The following POMGNT2 variants were observed in gnomAD, a reference collection of about 807,000 sequenced individuals.
The protein encoded by POMGNT2 is protein O-linked-mannose beta-1,4-N-acetylglucosaminyltransferase 2.
A neutral mutation model predicts 37.8 loss-of-function variants in POMGNT2; 32 were observed. The observed-to-expected ratio is 0.85, with a 90% CI of 0.64 to 1.14. The LOEUF (loss-of-function observed/expected upper bound fraction) is 1.14. Ranked by LOEUF, POMGNT2 falls within the 50% of genes most tolerant of loss-of-function variation. The pLI is 0.00. For missense variants in POMGNT2, 705 were observed against 780.6 expected (o/e 0.90, Z 1.15); for synonymous variants, 340 against 336.8 (o/e 1.01, Z -0.10).
Position 43,080,821 on chromosome 3 carries a change from T to A in POMGNT2, c.611A>T (p.Asp204Val). 6.2e-7 allele frequency: 1 copy of A among 1,613,770 alleles called. No homozygotes were observed. Among genetic ancestry groups the A allele is most frequent in the Non-Finnish European group, 8.5e-7 (1 of 1,179,938 alleles). Residue 204 changes from aspartate (D) to valine (V), a missense_variant, in exon 2 of 2, where the codon GAC becomes GTC. Physicochemically the swap from Asp to Val is radical, Grantham distance 152. Transcript: ENST00000344697. Reference sequence around the variant, plus strand: ...CTTGGGGCTGAGCAGCTTGTAGAGGTCGAAGTGTGCACCCTCGCCCCAGCC... The same window carrying A: ...CTTGGGGCTGAGCAGCTTGTAGAGGACGAAGTGTGCACCCTCGCCCCAGCC... ...MEGWGEGAHF[D>V]LYKLLSPKQP...
chr3:43,100,374 G>A (rs1157161080), intron 1 of POMGNT2, among the ~76,000 whole-genome samples: 1 of 152,198 alleles, frequency 6.6e-6, no homozygotes, highest in South Asian at 2.1e-4. Context: ...CAGGAGGATT[G>A]TGTAGGTTAT....
intron 1 of POMGNT2, among the ~76,000 whole-genome samples, chr3:43,083,835 T>C (rs2089874898): frequency 6.6e-6 from 1 of 152,224 alleles, no homozygotes; most frequent in Non-Finnish European, 1.5e-5. Flanking sequence ...TTCCTGATGT[T>C]CCAGGTTTCC....
At chr3:43,086,564 T>C (rs956432634) in intron 1 of POMGNT2, among the ~76,000 whole-genome samples, 7 of 152,300 alleles carry the variant, frequency 4.6e-5, no homozygotes, top group African/African-American at 1.7e-4. Context: ...TCACGTACTA[T>C]GGGGGAAAGA....
chr3:43,088,541 G>A (rs1232096310), intron 1 of POMGNT2, among the ~76,000 whole-genome samples: 1 of 152,238 alleles, frequency 6.6e-6, no homozygotes, highest in African/African-American at 2.4e-5. Context: ...ACGAGGCTCA[G>A]AGAAGCTCAG....
intron 1 of POMGNT2, among the ~76,000 whole-genome samples, chr3:43,083,063 G>A (rs962111550): frequency 1.3e-5 from 2 of 152,098 alleles, no homozygotes; most frequent in Non-Finnish European, 2.9e-5. Flanking sequence ...CATTCCTGGA[G>A]GCATGAGATC....
Position 43,105,099 on chromosome 3 carries a change from T to G in POMGNT2, c.-106+737A>C, listed in dbSNP as rs1247739100. On this transcript the variant is annotated intron_variant, in intron 1 of 1. Coordinates refer to ENST00000344697, the MANE Select transcript of POMGNT2 (RefSeq NM_032806.6). ...GCTTCTCCCAAGAGTACGCTCTAAG[T>G]GTTGGCTGGCAATAAAGTAGGCAGA... 3.3e-5 allele frequency among the ~76,000 whole-genome samples: 5 copies of G among 152,320 alleles called. No individual in the cohort carries two copies. The East Asian group carries it at 9.7e-4, about 29-fold the overall frequency.
rs368531523 is a variant in POMGNT2, at chr3:43,081,420, C to G, written c.12G>C (p.Ser4=). ...ACACCAGGAGGGCGTTGAACACCGC[C>G]GAGAGGTGCATCCTAATGCCACTGT... MHL[S]AVFNALLVSV... The change falls in exon 2 of 2, where the codon TCG becomes TCC. Residue 4 remains serine (S), a synonymous_variant. Coordinates refer to ENST00000344697, the MANE Select transcript of POMGNT2 (RefSeq NM_032806.6). 5.7e-6 allele frequency: 9 copies of G among 1,571,152 alleles called. No individual in the cohort carries two copies. The highest frequency in any genetic ancestry group is 7.8e-6 in the Non-Finnish European group (9 of 1,160,488).
chr3:43,080,969 TGAG>T lies in POMGNT2; in HGVS notation c.460_462del (p.Leu154del). ...TTGTCGGGGTTGAAGCGGTTGGCGA[TGAG>T]GGCCACGTCTGGCACGAACACCGGC... is the stretch of plus-strand genomic sequence containing the variant. On this transcript the variant is annotated inframe_deletion, in exon 2 of 2. Transcript: ENST00000344697. 6.2e-7 allele frequency: 1 copy of T among 1,614,194 alleles called. No individual in the cohort carries two copies. Among genetic ancestry groups the T allele is most frequent in the Middle Eastern group, 1.6e-4 (1 of 6,062 alleles).
intron 1 of POMGNT2, among the ~76,000 whole-genome samples, chr3:43,096,729 G>C (rs928255940): frequency 6.6e-6 from 1 of 152,090 alleles, no homozygotes; most frequent in Non-Finnish European, 1.5e-5. Context: ...TAGTGGCTCA[G>C]CCAGGACAAA....
At position 43,096,453 on chromosome 3, in the gene POMGNT2, A is replaced by G. The variant is rs1207837019; in HGVS notation, c.-106+9383T>C. Among the ~76,000 whole-genome samples, 3 of 152,182 alleles carry G rather than the reference A, an allele frequency of 2.0e-5. 1 individual carries two copies. Among genetic ancestry groups the G allele is most frequent in the Non-Finnish European group, 4.4e-5 (3 of 68,026 alleles). On this transcript the variant is annotated intron_variant, in intron 1 of 1. Transcript: ENST00000344697. ...AGGCTAACACTATTTCTATTACTCC[A>G]TTTTATAGATTGGGACACAGAGGCT...
intron 1 of POMGNT2, among the ~76,000 whole-genome samples, chr3:43,101,380 G>A (rs1404851829): frequency 6.6e-6 from 1 of 152,174 alleles, no homozygotes; most frequent in Admixed American, 6.5e-5. Context: ...GCCCCTGCCT[G>A]GAAGTGGTCT....
rs551938451 is a variant in POMGNT2, at chr3:43,098,425, A to G, written c.-106+7411T>C. Among the ~76,000 whole-genome samples, 2 of 152,290 alleles carry G rather than the reference A, an allele frequency of 1.3e-5. No individual in the cohort carries two copies. The highest frequency in any genetic ancestry group is 1.3e-4 in the Admixed American group (2 of 15,290). On this transcript the variant is annotated intron_variant, in intron 1 of 1. Coordinates refer to ENST00000344697, the MANE Select transcript of POMGNT2 (RefSeq NM_032806.6). This position sits in a 1 kb window ranked among gnomAD's most constrained non-coding sequence, Gnocchi z 4.3. ...TAACATAATGCTTACATTTGCTCCTAAATTAAATATTAACCTAATGCTATT... is the reference window on the plus strand; with the variant it reads ...TAACATAATGCTTACATTTGCTCCTGAATTAAATATTAACCTAATGCTATT...
Position 43,105,857 on chromosome 3 carries a change from A to C in POMGNT2, c.-127T>G, listed in dbSNP as rs914269419. 2 of 151,508 alleles carry C rather than the reference A, an allele frequency of 1.3e-5. No individual in the cohort carries two copies. Among genetic ancestry groups the C allele is most frequent in the East Asian group, 2.0e-4 (1 of 5,106 alleles). 9.4% of individuals were successfully genotyped at this position (151,508 alleles called of 1,614,324 possible). On this transcript the variant is annotated 5_prime_UTR_variant, in exon 1 of 2. Transcript: ENST00000344697. ...TTACCTGAAGCCTGGACTCCGCGGG[A>C]CGAAGCCACCTCCGCCGACGCGTCC...
intron 1 of POMGNT2, among the ~76,000 whole-genome samples, chr3:43,091,099 G>A (rs924032314): frequency 6.6e-6 from 1 of 152,190 alleles, no homozygotes; most frequent in African/African-American, 2.4e-5. Flanking sequence ...TGGAAGCAAT[G>A]ACAGTGCAGT....
rs765805874 is a variant in POMGNT2 at position 43,081,214 on chromosome 3, G to A, written c.218C>T (p.Thr73Met). Reference sequence around the variant, plus strand: ...GAAGCGGCAGATGCGGTCTGTGTGCGTGCGGCCCGTGCACACCATGTGTGT... The same window carrying A: ...GAAGCGGCAGATGCGGTCTGTGTGCATGCGGCCCGTGCACACCATGTGTGT... ...GGTHMVCTGRTHTDRICRFKW... is the reference protein window; with the variant it reads ...GGTHMVCTGRMHTDRICRFKW... The change falls in exon 2 of 2, where the codon ACG (threonine) becomes ATG (methionine). Residue 73 changes from threonine to methionine, a missense_variant. Thr to Met is a moderately conservative substitution (Grantham distance 81, BLOSUM62 -1). Coordinates refer to ENST00000344697, the MANE Select transcript of POMGNT2 (RefSeq NM_032806.6). The A allele has an allele frequency of 4.2e-5, 68 of 1,613,886 alleles. No individual in the cohort carries two copies. The highest frequency in any genetic ancestry group is 5.3e-5 in the Non-Finnish European group (62 of 1,180,030).
chr3:43,084,648 C>CAA (rs58875803), intron 1 of POMGNT2, among the ~76,000 whole-genome samples: 47 of 117,176 alleles, frequency 4.0e-4, no homozygotes, highest in African/African-American at 1.3e-3. Flanking sequence ...GACTCCGTCT[C>CAA]AAAAAAAAAA....
intron 1 of POMGNT2, among the ~76,000 whole-genome samples, chr3:43,105,572 C>T (rs1432546335): frequency 7.9e-5 from 10 of 126,466 alleles, no homozygotes; most frequent in African/African-American, 5.8e-5. Flanking sequence ...CGGCCCCCGG[C>T]CCCCGACCCC....
chr3:43,086,148 A>G (rs2089896558), intron 1 of POMGNT2, among the ~76,000 whole-genome samples: 1 of 152,232 alleles, frequency 6.6e-6, no homozygotes, highest in Non-Finnish European at 1.5e-5. Context: ...ATTCTGGGGT[A>G]CAAACAGGTT....
chr3:43,083,944 C>T (rs914859919), intron 1 of POMGNT2, among the ~76,000 whole-genome samples: 6 of 152,098 alleles, frequency 3.9e-5, no homozygotes, highest in East Asian at 3.8e-4. Flanking sequence ...TCCTTCATGT[C>T]GAAATGTCTG....
Sources: allele counts gnomAD v4.1 joint callset (sites outside exome capture counted in the v4.1 genomes callset), GRCh38; gene constraint gnomAD v4.1.1; non-coding constraint Gnocchi (gnomAD v3.1); transcripts MANE v1.5; gene names NCBI Gene and HGNC (gene_info 2026-07-23, HGNC 2026-07-21).